UBXN4: variants seen among roughly 807,000 people sequenced by gnomAD.
The protein encoded by UBXN4 is UBX domain protein 4.
Under a neutral mutation model 66.2 loss-of-function variants are expected in UBXN4, and 35 were observed. The observed-to-expected ratio is 0.53, with a 90% CI of 0.40 to 0.70. The LOEUF is 0.70. Ranked by LOEUF, UBXN4 falls within the 30% of genes least tolerant of loss-of-function variation. UBXN4 has a pLI of 0.00. For missense variants in UBXN4, 533 were observed against 599.8 expected (o/e 0.89, Z 1.16); for synonymous variants, 203 against 204.5 (o/e 0.99, Z 0.06).
In UBXN4 at chr2:135,783,158, T is replaced by C. The variant is rs1169119404; in HGVS notation, c.*271T>C. The C allele has an allele frequency of 7.5e-6, 2 of 267,766 alleles. No homozygotes were observed. Among genetic ancestry groups the C allele is most frequent in the East Asian group, 1.3e-4 (2 of 14,948 alleles). The allele number at this position is 267,766 out of a possible 1,614,324, so 16.6% of individuals were successfully genotyped here. On this transcript the variant is annotated 3_prime_UTR_variant, in exon 13 of 13. Coordinates refer to ENST00000272638, the MANE Select transcript of UBXN4 (RefSeq NM_014607.4). Reference sequence around the variant, plus strand: ...CCACAGCCTGCCTCCATCAGCTTCTTATTTAGTATTTCATATGCCCATTAG... The same window carrying C: ...CCACAGCCTGCCTCCATCAGCTTCTCATTTAGTATTTCATATGCCCATTAG...
intron 11 of UBXN4, among the ~76,000 whole-genome samples, chr2:135,779,419 G>T (rs1332280505): frequency 6.6e-6 from 1 of 152,086 alleles, no homozygotes; most frequent in East Asian, 1.9e-4. Context: ...TCTACTGTTT[G>T]CCAAAAATAA....
At position 135,769,077 on chromosome 2, in the gene UBXN4, G is replaced by A. The variant is rs890506607; in HGVS notation, c.603-692G>A. Among the ~76,000 whole-genome samples, 23 of 152,058 alleles carry A rather than the reference G, an allele frequency of 1.5e-4. 1 individual carries two copies. Among genetic ancestry groups the A allele is most frequent in the Admixed American group, 1.2e-3 (19 of 15,270 alleles). On this transcript the variant is annotated intron_variant, in intron 6 of 12. Transcript: ENST00000272638. Reference sequence around the variant, plus strand: ...GAATGCAGTAACGCGAACGTGACTCGCTGCAGCCTCGACCTCCCGGCTCAA... The same window carrying A: ...GAATGCAGTAACGCGAACGTGACTCACTGCAGCCTCGACCTCCCGGCTCAA...
At chr2:135,770,791 T>G in intron 8 of UBXN4, 56 bp downstream of exon 8, 1 of 1,396,820 alleles carries the variant, frequency 7.2e-7, no homozygotes, top group Non-Finnish European at 9.3e-7. Flanking sequence ...ACAGTAGCTT[T>G]AGATTACTAC....
Position 135,748,484 on chromosome 2 carries a change from C to G in UBXN4, c.185+115C>G, listed in dbSNP as rs182871730. 20 of 686,244 alleles carry G rather than the reference C, an allele frequency of 2.9e-5. No individual in the cohort carries two copies. The African/African-American group carries it at 3.2e-4, about 11-fold the overall frequency. 42.5% of individuals were successfully genotyped at this position (686,244 alleles called of 1,614,324 possible). A position where few individuals can be genotyped will look rare whatever the true frequency, so the allele number is the denominator to read the frequency against. On this transcript the variant is annotated intron_variant, in intron 2 of 12. Transcript: ENST00000272638. ...GATGTTGGGCTGGGCACTCCCAGCA[C>G]TTTGGGAGACTGAGGTGGGAGGATC...
intron 5 of UBXN4, among the ~76,000 whole-genome samples, chr2:135,758,117 C>G (rs181720214): frequency 5.3e-5 from 8 of 151,240 alleles, no homozygotes; most frequent in Non-Finnish European, 1.2e-4. Context: ...TCTTGTTGCC[C>G]AAGCTGGAGT....
At chr2:135,748,438 C>G in intron 2 of UBXN4, 69 bp downstream of exon 2, 1 of 1,152,850 alleles carries the variant, frequency 8.7e-7, no homozygotes. Context: ...TATAGTGATA[C>G]TCTTGGACTA....
chr2:135,769,920 GT>G, intron 7 of UBXN4, 97 bp downstream of exon 7: 1 of 1,016,514 alleles, frequency 9.8e-7, no homozygotes, highest in Non-Finnish European at 1.4e-6. Flanking sequence ...TGACTTCATA[GT>G]TTTAGTTCAG....
intron 5 of UBXN4, among the ~76,000 whole-genome samples, chr2:135,756,755 T>C (rs2077281144): frequency 6.6e-6 from 1 of 152,214 alleles, no homozygotes; most frequent in Non-Finnish European, 1.5e-5. Flanking sequence ...AAATTTTCCT[T>C]TAGCATTACT....
chr2:135,770,885 T>A, intron 8 of UBXN4, 150 bp downstream of exon 8: 1 of 775,792 alleles, frequency 1.3e-6, no homozygotes, highest in Non-Finnish European at 1.8e-6. Flanking sequence ...GTAAATGAAT[T>A]AAAATAGTTA....
chr2:135,766,716 T>C (rs1356595067), intron 6 of UBXN4, among the ~76,000 whole-genome samples: 5 of 152,238 alleles, frequency 3.3e-5, no homozygotes, highest in Non-Finnish European at 7.3e-5. Flanking sequence ...GTATGCATTA[T>C]TGGAGCTGTA....
chr2:135,761,656 T>C (rs1374538993), intron 5 of UBXN4, among the ~76,000 whole-genome samples, 162 bp from the exon 6 acceptor site: 5 of 152,256 alleles, frequency 3.3e-5, no homozygotes, highest in Admixed American at 2.0e-4. Flanking sequence ...GTCTAAACTT[T>C]AGGATTAGTA....
At chr2:135,777,389 C>T (rs2077422657) in intron 10 of UBXN4, among the ~76,000 whole-genome samples, 1 of 152,146 alleles carries the variant, frequency 6.6e-6, no homozygotes, top group Non-Finnish European at 1.5e-5. Context: ...TTCTTGCACT[C>T]GTGAACTAGG....
intron 3 of UBXN4, 78 bp downstream of exon 3, chr2:135,753,645 T>C: frequency 8.5e-7 from 1 of 1,176,702 alleles, no homozygotes; most frequent in South Asian, 1.8e-5. Flanking sequence ...AATTTAGAAA[T>C]TATTCATTTT....
Position 135,777,350 on chromosome 2 carries a change from G to A in UBXN4, c.1053+999G>A, listed in dbSNP as rs952555653. ...TAGGGATTTGGGTTCAGATCTTTCC[G>A]CCAGACCTTTTCTCCACATTTGGTC... is the stretch of plus-strand genomic sequence containing the variant. On this transcript the variant is annotated intron_variant, in intron 10 of 12. Transcript: ENST00000272638. 3.0e-4 allele frequency among the ~76,000 whole-genome samples: 46 copies of A among 152,022 alleles called. 1 individual carries two copies. The highest frequency in any genetic ancestry group is 1.1e-3 in the African/African-American group (44 of 41,412).
At chr2:135,743,013 A>G (rs752532983) in intron 1 of UBXN4, among the ~76,000 whole-genome samples, 2 of 152,128 alleles carry the variant, frequency 1.3e-5, no homozygotes, top group South Asian at 2.1e-4. Flanking sequence ...CCCTGCCTCT[A>G]CGGTTCTGCT....
intron 10 of UBXN4, among the ~76,000 whole-genome samples, chr2:135,778,356 G>A (rs2077430767): frequency 1.3e-5 from 2 of 152,044 alleles, no homozygotes; most frequent in South Asian, 4.2e-4. Flanking sequence ...AAGATACACA[G>A]ATGTCTAAGA....
Position 135,783,061 on chromosome 2 carries a change from G to A in UBXN4, c.*174G>A. 1.6e-6 allele frequency: 1 copy of A among 637,356 alleles called. No individual in the cohort carries two copies. The allele number at this position is 637,356 out of a possible 1,614,324, so 39.5% of individuals were successfully genotyped here. A position where few individuals can be genotyped will look rare whatever the true frequency, so the allele number is the denominator to read the frequency against. On this transcript the variant is annotated 3_prime_UTR_variant, in exon 13 of 13. Transcript: ENST00000272638. ...TGTTTAACTCAGAAAAGTAAAGACA[G>A]GAAATAACTCTCTGCTAGGTCCTTG... is the stretch of plus-strand genomic sequence containing the variant.
At position 135,770,669 on chromosome 2, in the gene UBXN4, G is replaced by A; in HGVS notation, c.756G>A (p.Glu252=). Residue 252 remains glutamate, a synonymous_variant, in exon 8 of 13, where the codon GAG becomes GAA. Coordinates refer to ENST00000272638, the MANE Select transcript of UBXN4 (RefSeq NM_014607.4). ...QEEELTKRML[E]ERNREKAEDR... ...AAGAATTAACAAAAAGAATGCTGGA[G>A]GAAAGAAACAGAGAGAAAGCAGAAG... The A allele has an allele frequency of 6.3e-7, 1 of 1,577,960 alleles. No individual in the cohort carries two copies. Among genetic ancestry groups the A allele is most frequent in the East Asian group, 2.3e-5 (1 of 43,734 alleles).
chr2:135,744,742 G>C (rs755737929), intron 1 of UBXN4, among the ~76,000 whole-genome samples: 23 of 152,144 alleles, frequency 1.5e-4, no homozygotes, highest in Non-Finnish European at 3.2e-4. Flanking sequence ...AGGATATGCT[G>C]TTTTCTCCTA....
Sources: gnomAD v4.1 joint callset for allele counts (sites outside exome capture counted in the v4.1 genomes callset) on GRCh38, gnomAD v4.1.1 for gene constraint, MANE v1.5 for transcripts, NCBI Gene and HGNC (gene_info 2026-07-23, HGNC 2026-07-21) for gene names.